BABAM2: variants seen among roughly 807,000 people sequenced by gnomAD.
BABAM2 encodes BRISC and BRCA1 A complex member 2, also known as BRISC and BRCA1-A complex member 2.
Under a neutral mutation model 54.7 loss-of-function variants are expected in BABAM2, and 31 were observed. The observed-to-expected ratio is 0.57, with a 90% confidence interval of 0.43 to 0.77. The LOEUF (loss-of-function observed/expected upper bound fraction) is 0.77. Ranked by LOEUF, BABAM2 falls within the 30% of genes least tolerant of loss-of-function variation. The pLI, the probability that BABAM2 is intolerant of heterozygous loss-of-function variation, is 0.00. For missense variants in BABAM2, 364 were observed against 455.8 expected, an observed-to-expected ratio of 0.80 and a Z score of 1.83; for synonymous variants, 167 against 162.9, an observed-to-expected ratio of 1.03 and a Z score of -0.19.
intron 6 of BABAM2, among the ~76,000 whole-genome samples, chr2:28,126,951 G>A (rs1304193780): frequency 6.7e-6 from 1 of 149,930 alleles, no homozygotes; most frequent in Non-Finnish European, 1.5e-5. Context: ...CTTTTGAGAA[G>A]TGTCTGTTCA....
chr2:28,043,338 C>A (rs181625502), intron 5 of BABAM2, among the ~76,000 whole-genome samples: 19 of 152,094 alleles, frequency 1.2e-4, no homozygotes, highest in Admixed American at 1.2e-3. Flanking sequence ...ACCATATTGG[C>A]CAGGCTGGTC....
chr2:28,045,707 A>G lies in BABAM2; in HGVS notation c.496-18A>G, dbSNP rs561801937. Reference sequence around the variant, plus strand: ...TATTTTTGATTTTAATCTTATTATTATAACTTTCTTTTTACAGACTGGTGA... The same window carrying G: ...TATTTTTGATTTTAATCTTATTATTGTAACTTTCTTTTTACAGACTGGTGA... On this transcript the variant is annotated intron_variant, in intron 5 of 11. Coordinates refer to ENST00000379624, the MANE Select transcript of BABAM2 (RefSeq NM_199191.3). 355 of 1,598,024 alleles carry G rather than the reference A, an allele frequency of 2.2e-4. 7 individuals carry two copies. In the South Asian group the frequency reaches 3.6e-3, roughly 16 times the overall value.
intron 3 of BABAM2, among the ~76,000 whole-genome samples, chr2:27,959,753 A>G (rs950623583): frequency 1.3e-5 from 2 of 151,898 alleles, no homozygotes; most frequent in African/African-American, 2.4e-5. Context: ...GTTATCATCA[A>G]CTTACATTTA....
intron 7 of BABAM2, among the ~76,000 whole-genome samples, chr2:28,182,251 ATG>A (rs1675724075): frequency 6.6e-6 from 1 of 152,148 alleles, no homozygotes; most frequent in Non-Finnish European, 1.5e-5. Flanking sequence ...GTGTGCAGGG[ATG>A]TGTCAGAGCT....
intron 6 of BABAM2, among the ~76,000 whole-genome samples, chr2:28,112,189 C>A (rs186424424): frequency 3.3e-5 from 1 of 30,756 alleles, no homozygotes; most frequent in Admixed American, 2.7e-4. Context: ...CTCCCTCCCT[C>A]CCTCCCTCCC....
At chr2:28,041,268 C>T (rs1677085009) in intron 5 of BABAM2, among the ~76,000 whole-genome samples, 1 of 152,108 alleles carries the variant, frequency 6.6e-6, no homozygotes, top group Non-Finnish European at 1.5e-5. Flanking sequence ...TTACAGGTTA[C>T]AGGTTGACAT....
chr2:28,254,423 C>T (rs1683777905), intron 10 of BABAM2, among the ~76,000 whole-genome samples: 2 of 152,052 alleles, frequency 1.3e-5, no homozygotes, highest in Admixed American at 6.5e-5. Context: ...AGGCATGAGC[C>T]GCCACGCCCA....
At chr2:28,066,361 TTAGTA>T (rs1258434234) in intron 6 of BABAM2, among the ~76,000 whole-genome samples, 1 of 152,082 alleles carries the variant, frequency 6.6e-6, no homozygotes, top group Non-Finnish European at 1.5e-5. Context: ...TTTTTATTCT[TTAGTA>T]TATTGTTTGG....
chr2:28,262,227 A>G (rs1373106366), intron 10 of BABAM2, among the ~76,000 whole-genome samples: 1 of 152,222 alleles, frequency 6.6e-6, no homozygotes, highest in African/African-American at 2.4e-5. Context: ...ATTAAGCTAA[A>G]GAGGCAGTCA....
intron 6 of BABAM2, among the ~76,000 whole-genome samples, chr2:28,067,428 G>A (rs1357745535): frequency 6.6e-6 from 1 of 152,074 alleles, no homozygotes; most frequent in Non-Finnish European, 1.5e-5. Flanking sequence ...ATACTTTCTT[G>A]ATTTTGTGTC....
Position 27,929,848 on chromosome 2 carries a change from C to T in BABAM2, c.145C>T (p.Pro49Ser), listed in dbSNP as rs771188998. Residue 49 changes from proline to serine, a missense_variant, in exon 3 of 12, where the codon CCT (proline) becomes TCT (serine). By Grantham distance (74) the Pro-to-Ser change is moderately conservative. Transcript: ENST00000379624. The part of the protein sequence containing the change: ...DLKSGCTSLT[P>S]GPNCDRFKLH... ...TTTTTAAAGCTGCACATCATTGACT[C>T]CTGGGCCCAACTGTGACCGATTTAA... is the stretch of plus-strand genomic sequence containing the variant. The T allele has an allele frequency of 1.9e-6, 3 of 1,613,830 alleles. No homozygotes were observed. Among genetic ancestry groups the T allele is most frequent in the South Asian group, 1.1e-5 (1 of 91,072 alleles).
intron 5 of BABAM2, among the ~76,000 whole-genome samples, chr2:28,026,948 TAATATATATAAATATATA>T (rs1558667987): frequency 1.4e-5 from 1 of 73,378 alleles, no homozygotes; most frequent in Non-Finnish European, 2.2e-5. Context: ...AAATATATAT[TAATATATATAAATATATA>T]TATAAATATA....
At chr2:28,338,298 G>C in intron 11 of BABAM2, 152 bp from the exon 12 acceptor site, 1 of 712,252 alleles carries the variant, frequency 1.4e-6, no homozygotes, top group Non-Finnish European at 2.5e-6. Flanking sequence ...AAATCCGGAG[G>C]GCTTTGCCTC....
chr2:28,311,263 A>G (rs79734578), intron 11 of BABAM2, among the ~76,000 whole-genome samples: 2 of 147,490 alleles, frequency 1.4e-5, no homozygotes, highest in Non-Finnish European at 1.5e-5. Flanking sequence ...CCTGTCTCAA[A>G]AAAAAAAAAA....
intron 6 of BABAM2, among the ~76,000 whole-genome samples, chr2:28,084,841 C>T (rs927020524): frequency 3.3e-5 from 5 of 152,070 alleles, no homozygotes; most frequent in Non-Finnish European, 7.4e-5. Context: ...TTAACGTAAC[C>T]TTAACTGTCT....
chr2:27,900,766 G>A (rs528482921), intron 2 of BABAM2, among the ~76,000 whole-genome samples: 2 of 152,134 alleles, frequency 1.3e-5, no homozygotes, highest in East Asian at 1.9e-4. Flanking sequence ...ATAGTAGGCC[G>A]GGCGCGGTGG....
At chr2:28,086,918 C>T (rs575616683) in intron 6 of BABAM2, among the ~76,000 whole-genome samples, 45 of 152,300 alleles carry the variant, frequency 3.0e-4, no homozygotes, top group South Asian at 2.3e-3. Context: ...ACATTTATCT[C>T]ATCTTGGTTT....
At chr2:28,124,838 A>G (rs1474590656) in intron 6 of BABAM2, among the ~76,000 whole-genome samples, 1 of 152,232 alleles carries the variant, frequency 6.6e-6, no homozygotes, top group Admixed American at 6.5e-5. Context: ...AAATTATAAC[A>G]ATATAAGATG....
chr2:28,112,151 C>CTTTCTTTCTTTCTTTCTTTCTTTCTT lies in BABAM2; in HGVS notation c.571-17119_571-17118insTTCTTTCTTTCTTTCTTTCTTTCTTT, dbSNP rs1261759583. On this transcript the variant is annotated intron_variant, in intron 6 of 11. Transcript: ENST00000379624. ...TTTCTTTCTTTCTTTCTTTCTTTAC[C>CTTTCTTTCTTTCTTTCTTTCTTTCTT]TCCCTCCCTCCCTCCCTCCCTCCCT... Among the ~76,000 whole-genome samples, 60 of 19,618 alleles carry CTTTCTTTCTTTCTTTCTTTCTTTCTT rather than the reference C, an allele frequency of 3.1e-3. 16 individuals carry two copies. Among genetic ancestry groups the CTTTCTTTCTTTCTTTCTTTCTTTCTT allele is most frequent in the Non-Finnish European group, 3.8e-3 (43 of 11,320 alleles). 12.9% of individuals were successfully genotyped at this position (19,618 alleles called of 152,430 possible).
Sources: allele counts gnomAD v4.1 joint callset (sites outside exome capture counted in the v4.1 genomes callset), GRCh38; gene constraint gnomAD v4.1.1; transcripts MANE v1.5; gene names NCBI Gene and HGNC (gene_info 2026-07-23, HGNC 2026-07-21).